The following CERKL variants were observed in gnomAD, a reference collection of about 807,000 sequenced individuals.
CERKL encodes the protein ceramide kinase-like protein.
CERKL carries 61 observed loss-of-function variants against 63.4 expected under a neutral mutation model. The observed-to-expected ratio is 0.96, with a 90% CI of 0.78 to 1.19. CERKL has a LOEUF of 1.19. Among genes scored for constraint, CERKL ranks in the 50% most tolerant of loss-of-function variants. The pLI, the probability that CERKL is intolerant of heterozygous loss-of-function variation, is 0.00. For synonymous variants in CERKL, 250 were observed against 230.5 expected (o/e 1.08, Z -0.77); for missense variants, 675 against 655.5 (o/e 1.03, Z -0.33).
At chr2:181,544,930 A>G (rs1687657431) in intron 10 of CERKL, 134 bp from the exon 11 acceptor site, 2 of 547,062 alleles carry the variant, frequency 3.7e-6, no homozygotes, top group Admixed American at 7.2e-5. Flanking sequence ...TCACCATGTT[A>G]CGTTTACCTA....
chr2:181,578,951 C>T (rs58687420), intron 2 of CERKL, among the ~76,000 whole-genome samples: 56,615 of 151,662 alleles, frequency 0.37, 11,155 homozygotes, highest in African/African-American at 0.45. Context: ...TCAAAGAGTA[C>T]GTACTCTTAA....
At chr2:181,631,901 C>T (rs149999682) in intron 1 of CERKL, among the ~76,000 whole-genome samples, 2 of 152,210 alleles carry the variant, frequency 1.3e-5, no homozygotes, top group East Asian at 3.9e-4. Flanking sequence ...TAAACTAAAC[C>T]ATCTGTAGAT....
chr2:181,604,393 T>A (rs72885342), intron 1 of CERKL, among the ~76,000 whole-genome samples: 17,406 of 152,158 alleles, frequency 0.11, 1,375 homozygotes, highest in East Asian at 0.26. Flanking sequence ...ACCAAAAAAA[T>A]TCATCATTTG....
At chr2:181,634,538 A>T (rs1687095035) in intron 1 of CERKL, among the ~76,000 whole-genome samples, 1 of 152,166 alleles carries the variant, frequency 6.6e-6, no homozygotes, top group Non-Finnish European at 1.5e-5. Context: ...TAAATTGAAC[A>T]TGATAGACAG....
rs190730565 is a variant in CERKL, at chr2:181,538,127, C to T, written c.*57G>A. On this transcript the variant is annotated 3_prime_UTR_variant, in exon 13 of 13. Transcript: ENST00000410087. ...GGGGACCACAGGTTTAAAGCATGGC[C>T]ACATTTCTTTATATTAAAATTCTAG... 4 of 1,204,770 alleles carry T rather than the reference C, an allele frequency of 3.3e-6. No homozygotes were observed. The highest frequency in any genetic ancestry group is 3.7e-6 in the Non-Finnish European group (3 of 814,736). 74.6% of individuals were successfully genotyped at this position (1,204,770 alleles called of 1,614,324 possible).
chr2:181,638,096 G>C (rs780831191), intron 1 of CERKL, among the ~76,000 whole-genome samples: 5 of 152,112 alleles, frequency 3.3e-5, no homozygotes, highest in Non-Finnish European at 1.5e-5. Flanking sequence ...GAAAAGCTTA[G>C]GCCTGCACTT....
At chr2:181,637,270 A>G (rs1687220432) in intron 1 of CERKL, among the ~76,000 whole-genome samples, 1 of 152,190 alleles carries the variant, frequency 6.6e-6, no homozygotes, top group Non-Finnish European at 1.5e-5. Flanking sequence ...CTTTGACTCA[A>G]CAATCTCACT....
chr2:181,548,762 A>T lies in CERKL; in HGVS notation c.991T>A (p.Leu331Met). 1 of 1,614,046 alleles carries T rather than the reference A, an allele frequency of 6.2e-7. No homozygotes were observed. The highest frequency in any genetic ancestry group is 8.5e-7 in the Non-Finnish European group (1 of 1,179,954). The change falls in exon 7 of 13, where the codon TTG becomes ATG. Residue 331 changes from leucine to methionine, a missense_variant. By Grantham distance (15) the Leu-to-Met change is conservative. Coordinates refer to ENST00000410087, the MANE Select transcript of CERKL (RefSeq NM_201548.5). Reference sequence around the variant, plus strand: ...CATCGATATTTTTCTGCCAGAGCCAAAGTTCTTCCACCAAAGCCAAACATG... The same window carrying T: ...CATCGATATTTTTCTGCCAGAGCCATAGTTCTTCCACCAAAGCCAAACATG... ...SAMFGFGGRTLALAEKYRWMS... is the reference protein window; with the variant it reads ...SAMFGFGGRTMALAEKYRWMS...
intron 1 of CERKL, among the ~76,000 whole-genome samples, chr2:181,655,613 C>T (rs1026331117): frequency 3.3e-5 from 5 of 152,226 alleles, no homozygotes; most frequent in Non-Finnish European, 5.9e-5. Flanking sequence ...AATTCACAAT[C>T]GCAACCAGTG....
intron 10 of CERKL, 40 bp downstream of exon 10, chr2:181,547,578 T>A: frequency 1.3e-6 from 2 of 1,554,598 alleles, no homozygotes. Flanking sequence ...AAATGGTCTA[T>A]AAGAAATGTA....
intron 1 of CERKL, among the ~76,000 whole-genome samples, chr2:181,611,309 G>A (rs893595760): frequency 2.0e-5 from 3 of 151,960 alleles, no homozygotes; most frequent in Admixed American, 6.6e-5. Context: ...GTACAATAAT[G>A]GAGTATTGGT....
At chr2:181,637,704 T>C (rs184889145) in intron 1 of CERKL, among the ~76,000 whole-genome samples, 6 of 152,248 alleles carry the variant, frequency 3.9e-5, no homozygotes, top group Non-Finnish European at 7.4e-5. Context: ...GTTTGTTTAG[T>C]AGATTTGATT....
chr2:181,600,884 A>G (rs780283585), intron 2 of CERKL, among the ~76,000 whole-genome samples: 3 of 152,170 alleles, frequency 2.0e-5, no homozygotes, highest in African/African-American at 4.8e-5. Flanking sequence ...AGAATATTCC[A>G]CCCAACAACA....
In CERKL at chr2:181,604,011, G is replaced by A. The variant is rs759876459; in HGVS notation, c.307C>T (p.Leu103=). Residue 103 remains leucine, a synonymous_variant, in exon 2 of 13, where the codon CTG becomes TTG. Transcript: ENST00000410087. ...IELKDIFSVK[L]KRRCSVKQQR... ...TGTTTAACAGAACAACGCCGTTTCAGTTTCACAGAGAATATGTCTTTGAGT... is the reference window on the plus strand; with the variant it reads ...TGTTTAACAGAACAACGCCGTTTCAATTTCACAGAGAATATGTCTTTGAGT... The A allele has an allele frequency of 1.2e-6, 2 of 1,612,072 alleles. No homozygotes were observed. The highest frequency in any genetic ancestry group is 2.7e-5 in the African/African-American group (2 of 74,814).
At chr2:181,571,892 G>A (rs569447319) in intron 3 of CERKL, among the ~76,000 whole-genome samples, 5 of 152,078 alleles carry the variant, frequency 3.3e-5, no homozygotes, top group Admixed American at 6.6e-5. Context: ...TCATCTTCAG[G>A]ATTAAAGCAT....
At chr2:181,610,972 C>G (rs1356254772) in intron 1 of CERKL, among the ~76,000 whole-genome samples, 1 of 152,128 alleles carries the variant, frequency 6.6e-6, no homozygotes, top group Non-Finnish European at 1.5e-5. Flanking sequence ...GGCCTGTAAT[C>G]CCAGCACTTT....
chr2:181,649,511 A>G (rs909613415), intron 1 of CERKL: 1 of 152,220 alleles, frequency 6.6e-6, no homozygotes, highest in Non-Finnish European at 1.5e-5. Flanking sequence ...ACACAAACAC[A>G]CACAGAGAGA....
At chr2:181,577,367 AAG>A (rs1684296370) in intron 2 of CERKL, among the ~76,000 whole-genome samples, 1 of 152,198 alleles carries the variant, frequency 6.6e-6, no homozygotes, top group Admixed American at 6.5e-5. Flanking sequence ...GAGAACTTTT[AAG>A]AGAGGAAAAA....
chr2:181,602,398 A>G (rs1016701095), intron 2 of CERKL, among the ~76,000 whole-genome samples: 2 of 152,194 alleles, frequency 1.3e-5, no homozygotes, highest in Non-Finnish European at 2.9e-5. Flanking sequence ...TTACTTTTTA[A>G]ATCACTTGAC....
Sources: gnomAD v4.1 joint callset for allele counts (sites outside exome capture counted in the v4.1 genomes callset) on GRCh38, gnomAD v4.1.1 for gene constraint, MANE v1.5 for transcripts, NCBI Gene and HGNC (gene_info 2026-07-23, HGNC 2026-07-21) for gene names.